HACL1: variants seen among roughly 807,000 people sequenced by gnomAD.
HACL1 encodes 1600020H07Rik.
Under a neutral mutation model 74.2 loss-of-function variants are expected in HACL1, and 64 were observed. The observed-to-expected ratio is 0.86, with a 90% CI of 0.70 to 1.06. HACL1 has a LOEUF of 1.06. Among genes scored for constraint, HACL1 ranks in the 50% least tolerant of loss-of-function variants. HACL1 has a pLI of 0.00. For missense variants in HACL1, 728 were observed against 719.7 expected, an observed-to-expected ratio of 1.01 and a Z score of -0.13; for synonymous variants, 230 against 238.8, an observed-to-expected ratio of 0.96 and a Z score of 0.34.
intron 3 of HACL1, among the ~76,000 whole-genome samples, chr3:15,592,186 A>G (rs1051104026): frequency 6.7e-6 from 1 of 150,334 alleles, no homozygotes; most frequent in Non-Finnish European, 1.5e-5. Context: ...ATATATGTAT[A>G]CATACGTATA....
At chr3:15,601,324 A>G in intron 1 of HACL1, 59 bp downstream of exon 1, 1 of 1,608,840 alleles carries the variant, frequency 6.2e-7, no homozygotes, top group African/African-American at 1.3e-5. Flanking sequence ...CTCCAAGACA[A>G]CATCGCGGTC....
intron 2 of HACL1, 189 bp downstream of exon 2, chr3:15,600,901 T>A: frequency 1.6e-6 from 1 of 613,454 alleles, no homozygotes; most frequent in Non-Finnish European, 2.9e-6. Flanking sequence ...AAAGGCAAGT[T>A]TTACTTAACC....
At chr3:15,583,492 A>C (rs879746243) in intron 7 of HACL1, among the ~76,000 whole-genome samples, 4 of 152,178 alleles carry the variant, frequency 2.6e-5, no homozygotes, top group Admixed American at 2.6e-4. Flanking sequence ...TTAGGTATTA[A>C]CATCATCTCC....
At chr3:15,576,027 G>A (rs1355511315) in intron 9 of HACL1, among the ~76,000 whole-genome samples, 1 of 99,642 alleles carries the variant, frequency 1.0e-5, no homozygotes, top group Admixed American at 1.1e-4. Context: ...GTGGTGGTGC[G>A]TGCCTGTAGT....
chr3:15,565,829 G>A (rs371600219), intron 14 of HACL1, among the ~76,000 whole-genome samples: 14 of 152,182 alleles, frequency 9.2e-5, no homozygotes, highest in Admixed American at 3.3e-4. Context: ...AACCAATTGC[G>A]GGTCAAAAAT....
intron 2 of HACL1, among the ~76,000 whole-genome samples, chr3:15,598,559 G>T (rs1349860915): frequency 6.6e-6 from 1 of 152,206 alleles, no homozygotes; most frequent in East Asian, 1.9e-4. Context: ...CAGTTCGTAT[G>T]TGTAAAACAC....
chr3:15,581,720 C>T (rs1182611428), intron 8 of HACL1, among the ~76,000 whole-genome samples: 7 of 152,170 alleles, frequency 4.6e-5, no homozygotes, highest in Non-Finnish European at 1.0e-4. Flanking sequence ...CCACCTCAAC[C>T]TCTCTGTACA....
chr3:15,581,578 C>T lies in HACL1; in HGVS notation c.667+1299G>A, dbSNP rs573535346. Among the ~76,000 whole-genome samples, 5 of 152,284 alleles carry T rather than the reference C, an allele frequency of 3.3e-5. No homozygotes were observed. In the South Asian group the frequency reaches 8.3e-4, roughly 25 times the overall value. ...TTGTACACTCAGTTCTCTCTTCCTG[C>T]TTTGCCTTTGGTCTCTGTCCACTTG... is the stretch of plus-strand genomic sequence containing the variant. On this transcript the variant is annotated intron_variant, in intron 8 of 16. Transcript: ENST00000321169.
chr3:15,573,229 GCA>G lies in HACL1; in HGVS notation c.921_922del (p.Ala308ArgfsTer6). On this transcript the variant is annotated frameshift_variant, in exon 11 of 17. Transcript: ENST00000321169. LOFTEE classifies it high-confidence loss of function. ...CTTTACATTATTCCCCAATTCTTCT[GCA>G]CAGATATCAACCTAAAAAAGAGACA... The G allele has an allele frequency of 6.2e-7, 1 of 1,602,236 alleles. No individual in the cohort carries two copies.
intron 11 of HACL1, 21 bp from the exon 12 acceptor site, chr3:15,571,790 C>G (rs776265808): frequency 1.3e-6 from 1 of 744,502 alleles, no homozygotes; most frequent in Non-Finnish European, 2.2e-6. Flanking sequence ...AAAAAACACA[C>G]ACACACAAAC....
intron 14 of HACL1, among the ~76,000 whole-genome samples, chr3:15,566,884 T>C (rs2063443907): frequency 6.8e-6 from 1 of 147,814 alleles, no homozygotes; most frequent in South Asian, 2.2e-4. Flanking sequence ...AGTGGTGCGA[T>C]CTTGGCTCAC....
intron 14 of HACL1, among the ~76,000 whole-genome samples, chr3:15,567,570 CTTCT>C (rs2063458758): frequency 6.6e-6 from 1 of 152,100 alleles, no homozygotes; most frequent in Non-Finnish European, 1.5e-5. Flanking sequence ...AGGAAACAAG[CTTCT>C]TTCAGTCCCC....
chr3:15,569,438 C>A (rs1200309879), intron 12 of HACL1, among the ~76,000 whole-genome samples: 1 of 152,206 alleles, frequency 6.6e-6, no homozygotes, highest in African/African-American at 2.4e-5. Context: ...GTAATCCCAG[C>A]ACTTTGGGAG....
chr3:15,589,703 A>C, intron 4 of HACL1, 91 bp from the exon 5 acceptor site: 6 of 808,608 alleles, frequency 7.4e-6, no homozygotes, highest in Non-Finnish European at 1.3e-5. Flanking sequence ...CAAATAATAA[A>C]TGTTAAAGGG....
chr3:15,561,425 T>C (rs915715139), intron 16 of HACL1, among the ~76,000 whole-genome samples: 5 of 152,052 alleles, frequency 3.3e-5, no homozygotes, highest in African/African-American at 9.7e-5. Flanking sequence ...GTATAATGTA[T>C]GTAAATTCCA....
chr3:15,565,097 G>A (rs577991268), intron 14 of HACL1, among the ~76,000 whole-genome samples: 13 of 152,018 alleles, frequency 8.6e-5, no homozygotes, highest in Admixed American at 2.6e-4. Context: ...CCCGGGAGGC[G>A]GAGGTTGCAG....
rs75458053 is a variant in HACL1 at position 15,586,557 on chromosome 3, T to C, written c.427A>G (p.Ser143Gly). 1,838 of 1,600,890 alleles carry C rather than the reference T, an allele frequency of 1.1e-3. 21 individuals are homozygous for C. In the African/African-American group the frequency reaches 0.022, roughly 19 times the overall value. ...ATAACAAAAGGAATAGCTTCTATGC[T>C]GCTTGGGCGGGCAGAGAACTTGGTA... ...LYTKFSARPSSIEAIPFVIEK... is the reference protein window; with the variant it reads ...LYTKFSARPSGIEAIPFVIEK... Residue 143 changes from serine to glycine, a missense_variant, in exon 6 of 17, where the codon AGC (serine) becomes GGC (glycine). Transcript: ENST00000321169.
At chr3:15,570,877 G>A (rs1199761293) in intron 12 of HACL1, among the ~76,000 whole-genome samples, 1 of 151,504 alleles carries the variant, frequency 6.6e-6, no homozygotes, top group African/African-American at 2.4e-5. Flanking sequence ...TTATGAAACA[G>A]CTATTATAAT....
chr3:15,571,771 T>A lies in HACL1; in HGVS notation c.994-2A>T. The A allele has an allele frequency of 1.0e-6, 1 of 982,942 alleles. No homozygotes were observed. The highest frequency in any genetic ancestry group is 3.8e-5 in the East Asian group (1 of 26,364). 60.9% of individuals were successfully genotyped at this position (982,942 alleles called of 1,614,324 possible). ...TGTTTTATCAAGTTCCTCTAAAAGC[T>A]TAAAAAAAAAAAAACACACACACAC... is the stretch of plus-strand genomic sequence containing the variant. On this transcript the variant is annotated splice_acceptor_variant, in intron 11 of 16. Coordinates refer to ENST00000321169, the MANE Select transcript of HACL1 (RefSeq NM_012260.4). LOFTEE classifies it high-confidence loss of function.
Sources: gnomAD v4.1 joint callset for allele counts (sites outside exome capture counted in the v4.1 genomes callset) on GRCh38, gnomAD v4.1.1 for gene constraint, MANE v1.5 for transcripts, NCBI Gene and HGNC (gene_info 2026-07-23, HGNC 2026-07-21) for gene names.